The following NRG1 variants were observed in gnomAD, a reference collection of about 807,000 sequenced individuals.
The protein encoded by NRG1 is pro-neuregulin-1, membrane-bound isoform.
NRG1 carries 18 observed loss-of-function variants against 63.8 expected under a neutral mutation model. That is an observed-to-expected ratio of 0.28 (90% CI 0.19 to 0.42). NRG1 has a LOEUF of 0.42. Among genes scored for constraint, NRG1 ranks in the 10% least tolerant of loss-of-function variants. NRG1 has a pLI of 1.00. For synonymous variants in NRG1, 302 were observed against 301.3 expected, an observed-to-expected ratio of 1.00 and a Z score of -0.02; for missense variants, 762 against 814.7, an observed-to-expected ratio of 0.94 and a Z score of 0.79.
chr8:31,663,019 T>C (rs1242197763), intron 1 of NRG1, among the ~76,000 whole-genome samples: 1 of 152,176 alleles, frequency 6.6e-6, no homozygotes, highest in African/African-American at 2.4e-5. Context: ...CACATGCTTC[T>C]TGCCTGCTAT....
At chr8:32,398,560 G>A (rs539963593) in intron 1 of NRG1, among the ~76,000 whole-genome samples, 25 of 151,884 alleles carry the variant, frequency 1.6e-4, no homozygotes, top group African/African-American at 4.8e-4. Context: ...ACAAGTGCCC[G>A]CCATTATGCC....
intron 1 of NRG1, among the ~76,000 whole-genome samples, chr8:32,571,435 A>T (rs887208989): frequency 7.2e-5 from 11 of 152,202 alleles, no homozygotes; most frequent in Non-Finnish European, 7.3e-5. Context: ...TACAGCACCC[A>T]TGAGGAGGTG....
At chr8:32,411,462 C>T (rs1281289923) in intron 1 of NRG1, among the ~76,000 whole-genome samples, 1 of 152,196 alleles carries the variant, frequency 6.6e-6, no homozygotes, top group Non-Finnish European at 1.5e-5. Flanking sequence ...AATTTAGAGG[C>T]TGAGGCCATG....
intron 1 of NRG1, among the ~76,000 whole-genome samples, chr8:32,448,929 G>A (rs1312633224): frequency 6.6e-6 from 1 of 152,130 alleles, no homozygotes; most frequent in Non-Finnish European, 1.5e-5. Flanking sequence ...AAGGATGTGA[G>A]GAGGATTGGG....
At chr8:32,133,961 A>G (rs563253340) in intron 1 of NRG1, among the ~76,000 whole-genome samples, 1 of 152,186 alleles carries the variant, frequency 6.6e-6, no homozygotes, top group Non-Finnish European at 1.5e-5. Context: ...TGGAAAACAT[A>G]TATTAGCTAA....
intron 1 of NRG1, among the ~76,000 whole-genome samples, chr8:31,999,179 G>A (rs1039197511): frequency 1.3e-5 from 2 of 151,712 alleles, no homozygotes; most frequent in African/African-American, 4.8e-5. Context: ...CAATAATGAA[G>A]GAATATTTTT....
chr8:32,709,674 G>C (rs1376699500), intron 5 of NRG1, among the ~76,000 whole-genome samples: 1 of 152,048 alleles, frequency 6.6e-6, no homozygotes, highest in African/African-American at 2.4e-5. Flanking sequence ...TCCTGCCTCA[G>C]CCTCCCAAAG....
intron 1 of NRG1, among the ~76,000 whole-genome samples, chr8:32,201,600 C>A (rs1252879285): frequency 1.3e-5 from 2 of 152,184 alleles, no homozygotes; most frequent in African/African-American, 2.4e-5. Flanking sequence ...TGATTCATTA[C>A]ATTTTCAAGT....
chr8:32,317,427 T>C (rs187519197), intron 1 of NRG1, among the ~76,000 whole-genome samples: 21 of 152,182 alleles, frequency 1.4e-4, no homozygotes, highest in Non-Finnish European at 2.6e-4. Flanking sequence ...ATAGGCATCA[T>C]TGAAACAAAG....
intron 5 of NRG1, among the ~76,000 whole-genome samples, chr8:32,660,073 A>C (rs1231495219): frequency 6.6e-6 from 1 of 152,230 alleles, no homozygotes; most frequent in Admixed American, 6.5e-5. Flanking sequence ...TATGACCTGT[A>C]TAGTACCAAA....
At chr8:32,312,327 C>G (rs1856912428) in intron 1 of NRG1, among the ~76,000 whole-genome samples, 1 of 71,404 alleles carries the variant, frequency 1.4e-5, no homozygotes, top group South Asian at 4.9e-4. Context: ...CCATGCCCAG[C>G]TAATTTTTTT....
intron 1 of NRG1, among the ~76,000 whole-genome samples, chr8:31,691,236 T>TA (rs1218276046): frequency 6.6e-6 from 1 of 152,052 alleles, no homozygotes; most frequent in Non-Finnish European, 1.5e-5. Flanking sequence ...TAGAATAAAT[T>TA]AAAAGGTGAA....
intron 1 of NRG1, among the ~76,000 whole-genome samples, chr8:32,174,749 C>G (rs1337209953): frequency 6.6e-6 from 1 of 152,130 alleles, no homozygotes; most frequent in African/African-American, 2.4e-5. Context: ...GGATACATTC[C>G]TCGACACATA....
intron 1 of NRG1, among the ~76,000 whole-genome samples, chr8:31,707,896 A>T (rs902520870): frequency 2.6e-5 from 4 of 152,128 alleles, no homozygotes; most frequent in Admixed American, 6.5e-5. Flanking sequence ...ATTTGTATAG[A>T]TTTAATTTGG....
chr8:32,629,069 G>C (rs1353273219), intron 5 of NRG1, among the ~76,000 whole-genome samples: 1 of 152,146 alleles, frequency 6.6e-6, no homozygotes, highest in African/African-American at 2.4e-5. Flanking sequence ...AACATTGGCT[G>C]TGAACTTTTG....
At chr8:31,717,062 A>C (rs112077623) in intron 1 of NRG1, among the ~76,000 whole-genome samples, 1 of 152,166 alleles carries the variant, frequency 6.6e-6, no homozygotes, top group Non-Finnish European at 1.5e-5. Context: ...TGTCATTTTA[A>C]GTTTCTTAAA....
chr8:32,432,335 C>T (rs539049512), intron 1 of NRG1, among the ~76,000 whole-genome samples: 1 of 152,106 alleles, frequency 6.6e-6, no homozygotes, highest in Admixed American at 6.5e-5. Context: ...AACCTCTCAA[C>T]TCCCTATAAA....
chr8:32,756,613 G>A, intron 9 of NRG1, 84 bp downstream of exon 9: 4 of 1,463,946 alleles, frequency 2.7e-6, no homozygotes, highest in Non-Finnish European at 3.6e-6. Flanking sequence ...AAGCTCTTAA[G>A]CTTTTAGCTG....
At chr8:32,065,333 C>A (rs1586843200) in intron 1 of NRG1, among the ~76,000 whole-genome samples, 1 of 152,106 alleles carries the variant, frequency 6.6e-6, no homozygotes, top group Non-Finnish European at 1.5e-5. Context: ...AGGTATATCT[C>A]CTAATGCTAT....
Sources: gnomAD v4.1 joint callset for allele counts (sites outside exome capture counted in the v4.1 genomes callset) on GRCh38, gnomAD v4.1.1 for gene constraint, MANE v1.5 for transcripts, NCBI Gene and HGNC (gene_info 2026-07-23, HGNC 2026-07-21) for gene names.